SEMG2: variants seen among roughly 807,000 people sequenced by gnomAD.
The protein encoded by SEMG2 is semenogelin-2.
Under a neutral mutation model 8.1 loss-of-function variants are expected in SEMG2, and 3 were observed. That is an observed-to-expected ratio of 0.37 (90% CI 0.17 to 0.96). The LOEUF is 0.96. Among genes scored for constraint, SEMG2 ranks in the 40% least tolerant of loss-of-function variants. SEMG2 has a pLI of 0.41. For synonymous variants in SEMG2, 252 were observed against 231.4 expected, an observed-to-expected ratio of 1.09 and a Z score of -0.81; for missense variants, 726 against 671.2, an observed-to-expected ratio of 1.08 and a Z score of -0.90.
Position 45,222,359 on chromosome 20 carries a change from C to G in SEMG2, c.727C>G (p.Gln243Glu). 2 of 1,614,144 alleles carry G rather than the reference C, an allele frequency of 1.2e-6. No homozygotes were observed. The highest frequency in any genetic ancestry group is 1.7e-6 in the Non-Finnish European group (2 of 1,180,016). ...ACAAACTTCACTCCATCCTGCACAT[C>G]AAGACAGACTCCAACATGGACCCAA... ...KLQTSLHPAHQDRLQHGPKDI... is the reference protein window; with the variant it reads ...KLQTSLHPAHEDRLQHGPKDI... The change falls in exon 2 of 3, where the codon CAA (glutamine) becomes GAA (glutamate). Residue 243 changes from glutamine (Q) to glutamate (E), a missense_variant. Coordinates refer to ENST00000372769, the MANE Select transcript of SEMG2 (RefSeq NM_003008.3).
At position 45,223,082 on chromosome 20, in the gene SEMG2, A is replaced by G. The variant is rs752857784; in HGVS notation, c.1450A>G (p.Ser484Gly). 1.9e-6 allele frequency: 3 copies of G among 1,614,188 alleles called. No individual in the cohort carries two copies. Among genetic ancestry groups the G allele is most frequent in the East Asian group, 4.5e-5 (2 of 44,876 alleles). The change falls in exon 2 of 3, where the codon AGC (serine) becomes GGC (glycine). Residue 484 changes from serine (S) to glycine (G), a missense_variant. Coordinates refer to ENST00000372769, the MANE Select transcript of SEMG2 (RefSeq NM_003008.3). ...AAGACGACTCAACTATGGAGGAAAG[A>G]GCACGCAGAAAGATGTATCCCAAAG... ...EERRLNYGGK[S>G]TQKDVSQSSI...
Position 45,223,043 on chromosome 20 carries a change from T to C in SEMG2, c.1411T>C (p.Ser471Pro), listed in dbSNP as rs974947549. 10 of 1,614,000 alleles carry C rather than the reference T, an allele frequency of 6.2e-6. No homozygotes were observed. Among genetic ancestry groups the C allele is most frequent in the African/African-American group, 1.3e-5 (1 of 74,918 alleles). Reference sequence around the variant, plus strand: ...GGAAAATAAAATGTCATACCAATCTTCAAGTACAGAAGAAAGACGACTCAA... The same window carrying C: ...GGAAAATAAAATGTCATACCAATCTCCAAGTACAGAAGAAAGACGACTCAA... ...HKENKMSYQS[S>P]STEERRLNYG... The change falls in exon 2 of 3, where the codon TCA becomes CCA. Residue 471 changes from serine (S) to proline (P), a missense_variant. Physicochemically the swap from Ser to Pro is moderately conservative, Grantham distance 74 (BLOSUM62 -1). Transcript: ENST00000372769.
Position 45,221,756 on chromosome 20 carries a change from G to A in SEMG2, c.124G>A (p.Gly42Arg), listed in dbSNP as rs1984017703. Residue 42 changes from glycine (G) to arginine (R), a missense_variant, in exon 2 of 3, where the codon GGA (glycine) becomes AGA (arginine). By Grantham distance (125) the Gly-to-Arg change is moderately radical (BLOSUM62 -2). Coordinates refer to ENST00000372769, the MANE Select transcript of SEMG2 (RefSeq NM_003008.3). The part of the protein sequence containing the change: ...LPSGSSQFPH[G>R]QKGQHYFGQK... ...AAGCGGATCTTCCCAATTTCCACAT[G>A]GACAAAAGGGCCAGCACTATTTTGG... is the stretch of plus-strand genomic sequence containing the variant. 6.2e-7 allele frequency: 1 copy of A among 1,610,786 alleles called. No individual in the cohort carries two copies. Among genetic ancestry groups the A allele is most frequent in the East Asian group, 2.2e-5 (1 of 44,880 alleles).
chr20:45,222,492 C>T lies in SEMG2; in HGVS notation c.860C>T (p.Ser287Leu). The T allele has an allele frequency of 6.2e-7, 1 of 1,613,936 alleles. No homozygotes were observed. The highest frequency in any genetic ancestry group is 8.5e-7 in the Non-Finnish European group (1 of 1,179,964). Reference protein sequence around the residue: ...QEHGRKAHKISYPSSRTEERQ... With the variant: ...QEHGRKAHKILYPSSRTEERQ... ...CATGGCCGGAAGGCACATAAAATAT[C>T]ATACCCGTCTTCACGTACAGAAGAA... The change falls in exon 2 of 3, where the codon TCA becomes TTA. Residue 287 changes from serine to leucine, a missense_variant. Transcript: ENST00000372769.
At position 45,222,350 on chromosome 20, in the gene SEMG2, C is replaced by T. The variant is rs370416178; in HGVS notation, c.718C>T (p.Pro240Ser). ...AAGTAAACTACAAACTTCACTCCAT[C>T]CTGCACATCAAGACAGACTCCAACA... ...HSSKLQTSLH[P>S]AHQDRLQHGP... Residue 240 changes from proline to serine, a missense_variant, in exon 2 of 3, where the codon CCT becomes TCT. Pro to Ser is a moderately conservative substitution (Grantham distance 74, BLOSUM62 -1). Coordinates refer to ENST00000372769, the MANE Select transcript of SEMG2 (RefSeq NM_003008.3). 404 of 1,614,024 alleles carry T rather than the reference C, an allele frequency of 2.5e-4. 1 individual carries two copies. The highest frequency in any genetic ancestry group is 3.2e-4 in the Non-Finnish European group (376 of 1,180,026).
chr20:45,223,192 C>A lies in SEMG2; in HGVS notation c.1560C>A (p.Gly520=). Residue 520 remains glycine (G), a synonymous_variant, in exon 2 of 3, where the codon GGC becomes GGA. Coordinates refer to ENST00000372769, the MANE Select transcript of SEMG2 (RefSeq NM_003008.3). ...TPNPNQDQWS[G]QNAKGKSGQS... is the part of the protein sequence containing the mutation. Reference sequence around the variant, plus strand: ...ATCCTAATCAAGATCAATGGTCTGGCCAAAATGCAAAAGGAAAGTCTGGTC... The same window carrying A: ...ATCCTAATCAAGATCAATGGTCTGGACAAAATGCAAAAGGAAAGTCTGGTC... 6.2e-7 allele frequency: 1 copy of A among 1,614,084 alleles called. No homozygotes were observed. The highest frequency in any genetic ancestry group is 1.3e-5 in the African/African-American group (1 of 75,022).
chr20:45,223,347 A>C lies in SEMG2; in HGVS notation c.1715A>C (p.Gln572Pro), dbSNP rs777352795. ...GCCCAAGATGATCATTTGACACAAC[A>C]ATATAATGAAGACAGAAATCCAATA... ...EVAQDDHLTQ[Q>P]YNEDRNPIST Residue 572 changes from glutamine (Q) to proline (P), a missense_variant, in exon 2 of 3, where the codon CAA (glutamine) becomes CCA (proline). By Grantham distance (76) the Gln-to-Pro change is moderately conservative (BLOSUM62 -1). Transcript: ENST00000372769. The C allele has an allele frequency of 6.2e-7, 1 of 1,613,576 alleles. No homozygotes were observed. The highest frequency in any genetic ancestry group is 8.5e-7 in the Non-Finnish European group (1 of 1,179,678).
In SEMG2 at chr20:45,222,604, C is replaced by A; in HGVS notation, c.972C>A (p.Gly324=). ...TCCAAACTGAAGAGAAAATACATGGCAAGTCTCAAAACCAGGTAACAATTC... is the reference window on the plus strand; with the variant it reads ...TCCAAACTGAAGAGAAAATACATGGAAAGTCTCAAAACCAGGTAACAATTC... ...ISIQTEEKIH[G]KSQNQVTIHS... The change falls in exon 2 of 3, where the codon GGC becomes GGA. Residue 324 remains glycine, a synonymous_variant. Coordinates refer to ENST00000372769, the MANE Select transcript of SEMG2 (RefSeq NM_003008.3). 6.2e-7 allele frequency: 1 copy of A among 1,614,114 alleles called. No individual in the cohort carries two copies. The highest frequency in any genetic ancestry group is 8.5e-7 in the Non-Finnish European group (1 of 1,180,010).
Position 45,222,272 on chromosome 20 carries a change from C to T in SEMG2, c.640C>T (p.His214Tyr). The T allele has an allele frequency of 1.2e-6, 2 of 1,614,026 alleles. No homozygotes were observed. Among genetic ancestry groups the T allele is most frequent in the Non-Finnish European group, 1.7e-6 (2 of 1,179,992 alleles). The change falls in exon 2 of 3, where the codon CAT becomes TAT. Residue 214 changes from histidine to tyrosine, a missense_variant. Physicochemically the swap from His to Tyr is moderately conservative, Grantham distance 83. Transcript: ENST00000372769. ...ACAACAACGTGAGACTAAAAATTCTCATCAAAATAAAGGGCATTACCAAAA... is the reference window on the plus strand; with the variant it reads ...ACAACAACGTGAGACTAAAAATTCTTATCAAAATAAAGGGCATTACCAAAA... Reference protein sequence around the residue: ...NKQQRETKNSHQNKGHYQNVV... With the variant: ...NKQQRETKNSYQNKGHYQNVV...
intron 2 of SEMG2, 125 bp from the exon 3 acceptor site, chr20:45,224,166 C>T (rs962083040): frequency 6.6e-5 from 10 of 152,508 alleles, no homozygotes; most frequent in African/African-American, 2.2e-4. Context: ...TAACTAGTGA[C>T]CTGGTGTCCT....
rs1984045300 is a variant in SEMG2, at chr20:45,222,537, A to G, written c.905A>G (p.Glu302Gly). 1 of 1,614,114 alleles carries G rather than the reference A, an allele frequency of 6.2e-7. No homozygotes were observed. Among genetic ancestry groups the G allele is most frequent in the Middle Eastern group, 1.6e-4 (1 of 6,062 alleles). Reference sequence around the variant, plus strand: ...GAAGAAAGACAACTTCACCATGGAGAAAAGAGTGTACAGAAAGATGTATCC... The same window carrying G: ...GAAGAAAGACAACTTCACCATGGAGGAAAGAGTGTACAGAAAGATGTATCC... ...RTEERQLHHG[E>G]KSVQKDVSKG... The change falls in exon 2 of 3, where the codon GAA becomes GGA. Residue 302 changes from glutamate (E) to glycine (G), a missense_variant. Coordinates refer to ENST00000372769, the MANE Select transcript of SEMG2 (RefSeq NM_003008.3).
chr20:45,221,887 T>A lies in SEMG2; in HGVS notation c.255T>A (p.Tyr85Ter), dbSNP rs753381619. The A allele has an allele frequency of 4.3e-6, 7 of 1,613,820 alleles. No homozygotes were observed. In the East Asian group the frequency reaches 1.6e-4, roughly 36 times the overall value. ...DHDWTRKSQQYDLNALHKATK... is the reference protein window; with the variant it reads ...DHDWTRKSQQ ...ACTGGACCCGAAAAAGTCAGCAATA[T>A]GATTTGAATGCCCTACATAAGGCGA... is the stretch of plus-strand genomic sequence containing the variant. Residue 85 changes from tyrosine (Y) to a stop codon, truncating the protein, a stop_gained, in exon 2 of 3, where the codon TAT becomes TAA. Coordinates refer to ENST00000372769, the MANE Select transcript of SEMG2 (RefSeq NM_003008.3). LOFTEE classifies it low-confidence loss of function (END_TRUNC).
In SEMG2 at chr20:45,222,390, T is replaced by C. The variant is rs1984039444; in HGVS notation, c.758T>C (p.Ile253Thr). The C allele has an allele frequency of 6.2e-7, 1 of 1,614,104 alleles. No individual in the cohort carries two copies. The highest frequency in any genetic ancestry group is 8.5e-7 in the Non-Finnish European group (1 of 1,180,004). Reference sequence around the variant, plus strand: ...AGACTCCAACATGGACCCAAAGACATTTTTACTACCCAAGATGAGCTCCTA... The same window carrying C: ...AGACTCCAACATGGACCCAAAGACACTTTTACTACCCAAGATGAGCTCCTA... The part of the protein sequence containing the change: ...QDRLQHGPKD[I>T]FTTQDELLVY... The change falls in exon 2 of 3, where the codon ATT becomes ACT. Residue 253 changes from isoleucine to threonine, a missense_variant. Coordinates refer to ENST00000372769, the MANE Select transcript of SEMG2 (RefSeq NM_003008.3).
chr20:45,223,867 T>C (rs1984082800), intron 2 of SEMG2, among the ~76,000 whole-genome samples: 1 of 152,178 alleles, frequency 6.6e-6, no homozygotes, highest in Non-Finnish European at 1.5e-5. Flanking sequence ...CTGTTAGAGT[T>C]CATCTATGCT....
intron 1 of SEMG2, 103 bp from the exon 2 acceptor site, chr20:45,221,606 G>A: frequency 7.1e-7 from 1 of 1,399,718 alleles, no homozygotes; most frequent in South Asian, 1.3e-5. Flanking sequence ...AACGCTGTAG[G>A]CTTTTGGAAA....
Position 45,221,855 on chromosome 20 carries a change from G to A in SEMG2, c.223G>A (p.Asp75Asn). 1 of 1,614,078 alleles carries A rather than the reference G, an allele frequency of 6.2e-7. No individual in the cohort carries two copies. The highest frequency in any genetic ancestry group is 1.1e-5 in the South Asian group (1 of 91,044). ...ACACACATATCATGTAGACATCAAT[G>A]ATCATGACTGGACCCGAAAAAGTCA... ...IQHTYHVDINDHDWTRKSQQY... is the reference protein window; with the variant it reads ...IQHTYHVDINNHDWTRKSQQY... The change falls in exon 2 of 3, where the codon GAT (aspartate) becomes AAT (asparagine). Residue 75 changes from aspartate to asparagine, a missense_variant. Coordinates refer to ENST00000372769, the MANE Select transcript of SEMG2 (RefSeq NM_003008.3).
At position 45,222,638 on chromosome 20, in the gene SEMG2, G is replaced by T. The variant is rs555317796; in HGVS notation, c.1006G>T (p.Asp336Tyr). Reference protein sequence around the residue: ...SQNQVTIHSQDQEHGHKENKI... With the variant: ...SQNQVTIHSQYQEHGHKENKI... ...AAACCAGGTAACAATTCATAGTCAA[G>T]ATCAAGAGCATGGCCATAAGGAAAA... Residue 336 changes from aspartate to tyrosine, a missense_variant, in exon 2 of 3, where the codon GAT becomes TAT. Transcript: ENST00000372769. 10 of 1,613,990 alleles carry T rather than the reference G, an allele frequency of 6.2e-6. No individual in the cohort carries two copies. In the East Asian group the frequency reaches 2.2e-4, roughly 36 times the overall value.
At chr20:45,224,052 A>C (rs2145592818) in intron 2 of SEMG2, among the ~76,000 whole-genome samples, 1 of 152,304 alleles carries the variant, frequency 6.6e-6, no homozygotes, top group East Asian at 1.9e-4. Flanking sequence ...CAGGAGAGGA[A>C]AATTTTAACC....
At position 45,223,256 on chromosome 20, in the gene SEMG2, CA is replaced by C; in HGVS notation, c.1629del (p.Gly544AlafsTer14). 1 of 1,614,080 alleles carries C rather than the reference CA, an allele frequency of 6.2e-7. No homozygotes were observed. The highest frequency in any genetic ancestry group is 8.5e-7 in the Non-Finnish European group (1 of 1,179,978). On this transcript the variant is annotated frameshift_variant, in exon 2 of 3. Coordinates refer to ENST00000372769, the MANE Select transcript of SEMG2 (RefSeq NM_003008.3). LOFTEE classifies it low-confidence loss of function (END_TRUNC). ...CAAACAAGACCTACTCAGTCATGAA[CA>C]AAAAGGCAGATACAAACAGGAATCC... The part of the protein sequence containing the change: ...DSKQDLLSHE[Q>X]KGRYKQESSE...
Sources: allele counts gnomAD v4.1 joint callset (sites outside exome capture counted in the v4.1 genomes callset), GRCh38; gene constraint gnomAD v4.1.1; transcripts MANE v1.5; gene names NCBI Gene and HGNC (gene_info 2026-07-23, HGNC 2026-07-21).